Variants in CCDC81 observed in about 807,000 individuals in gnomAD.
CCDC81 encodes the protein coiled-coil domain containing 81.
CCDC81 carries 79 observed loss-of-function variants against 83.7 expected under a neutral mutation model. The observed-to-expected ratio is 0.94, with a 90% CI of 0.79 to 1.14. The LOEUF (loss-of-function observed/expected upper bound fraction) is 1.14. Ranked by LOEUF, CCDC81 falls within the 50% of genes most tolerant of loss-of-function variation. CCDC81 has a pLI of 0.00. For synonymous variants in CCDC81, 252 were observed against 278.1 expected (o/e 0.91, Z 0.93); for missense variants, 791 against 778.1 (o/e 1.02, Z -0.20).
chr11:86,406,139 C>G (rs10501619), intron 7 of CCDC81, among the ~76,000 whole-genome samples: 11,684 of 152,202 alleles, frequency 0.077, 563 homozygotes, highest in East Asian at 0.17. Flanking sequence ...GGTTCCCTGT[C>G]TTTTCAGTAC....
intron 2 of CCDC81, among the ~76,000 whole-genome samples, chr11:86,386,924 A>G (rs1267605279): frequency 6.6e-6 from 1 of 152,114 alleles, no homozygotes; most frequent in Admixed American, 6.5e-5. Flanking sequence ...CTGGCTGGCT[A>G]CTTTCACTCT....
At chr11:86,418,043 C>T (rs1405855800) in intron 13 of CCDC81, among the ~76,000 whole-genome samples, 1 of 152,160 alleles carries the variant, frequency 6.6e-6, no homozygotes, top group Non-Finnish European at 1.5e-5. Flanking sequence ...CATTTTCTTA[C>T]TTTCTGGGCA....
chr11:86,398,867 G>A (rs547426211), intron 6 of CCDC81, among the ~76,000 whole-genome samples: 4 of 152,176 alleles, frequency 2.6e-5, no homozygotes, highest in Non-Finnish European at 4.4e-5. Flanking sequence ...GCCACCACAC[G>A]CAGCCACAGA....
chr11:86,386,320 T>A (rs1593911425), intron 2 of CCDC81, among the ~76,000 whole-genome samples: 5 of 152,284 alleles, frequency 3.3e-5, no homozygotes, highest in Admixed American at 3.3e-4. Context: ...ACATGAATTT[T>A]ATTTTTAGGT....
chr11:86,393,157 G>T (rs923829840), intron 4 of CCDC81, among the ~76,000 whole-genome samples: 4 of 152,190 alleles, frequency 2.6e-5, no homozygotes, highest in African/African-American at 9.7e-5. Flanking sequence ...CCACATGCCG[G>T]GTTTGAGTGA....
intron 1 of CCDC81, 83 bp downstream of exon 1, chr11:86,375,325 A>C: frequency 8.1e-7 from 1 of 1,236,612 alleles, no homozygotes. Context: ...CCCACTTCCC[A>C]ATTCCCTGGC....
At chr11:86,399,441 G>C (rs558927381) in intron 6 of CCDC81, among the ~76,000 whole-genome samples, 1 of 152,126 alleles carries the variant, frequency 6.6e-6, no homozygotes, top group Admixed American at 6.5e-5. Context: ...TCAGCCTCCT[G>C]AGTAGCTAGG....
chr11:86,385,735 T>C (rs1948233440), intron 1 of CCDC81, among the ~76,000 whole-genome samples: 1 of 152,172 alleles, frequency 6.6e-6, no homozygotes, highest in African/African-American at 2.4e-5. Context: ...AAGGTTGGGT[T>C]ATACTTGATT....
In CCDC81 at chr11:86,422,662, A is replaced by G. The variant is rs1167877797; in HGVS notation, c.1906A>G (p.Ser636Gly). The change falls in exon 15 of 15, where the codon AGC (serine) becomes GGC (glycine). Residue 636 changes from serine (S) to glycine (G), a missense_variant. By Grantham distance (56) the Ser-to-Gly change is moderately conservative (BLOSUM62 0). Coordinates refer to ENST00000445632, the MANE Select transcript of CCDC81 (RefSeq NM_001156474.2). ...CQRRTSNVGE[S>G]NLWPLNKFLP... ...GAGGCGCACCTCCAACGTGGGCGAGAGCAACCTGTGGCCCCTGAACAAGTT... is the reference window on the plus strand; with the variant it reads ...GAGGCGCACCTCCAACGTGGGCGAGGGCAACCTGTGGCCCCTGAACAAGTT... The G allele has an allele frequency of 1.9e-5, 31 of 1,614,108 alleles. No individual in the cohort carries two copies. The highest frequency in any genetic ancestry group is 2.5e-5 in the Non-Finnish European group (30 of 1,180,010).
intron 6 of CCDC81, among the ~76,000 whole-genome samples, chr11:86,399,539 C>T (rs930007753): frequency 2.0e-5 from 3 of 152,074 alleles, no homozygotes; most frequent in African/African-American, 7.2e-5. Context: ...TGGTTTTGAA[C>T]TCCTGAGCTC....
chr11:86,416,853 A>T (rs1948726251), intron 13 of CCDC81, among the ~76,000 whole-genome samples: 1 of 152,180 alleles, frequency 6.6e-6, no homozygotes, highest in Non-Finnish European at 1.5e-5. Flanking sequence ...TAATTTAGTC[A>T]GGGTGATCCA....
intron 7 of CCDC81, 82 bp downstream of exon 7, chr11:86,400,883 G>A: frequency 7.3e-7 from 1 of 1,364,190 alleles, no homozygotes; most frequent in Non-Finnish European, 1.0e-6. Context: ...AACTGTAATT[G>A]TTCATTAATT....
In CCDC81 at chr11:86,409,403, C is replaced by A. The variant is rs200402208; in HGVS notation, c.1218+38C>A. 3 of 1,043,076 alleles carry A rather than the reference C, an allele frequency of 2.9e-6. No homozygotes were observed. The East Asian group carries it at 7.8e-5, about 27-fold the overall frequency. The allele number at this position is 1,043,076 out of a possible 1,614,324, so 64.6% of individuals were successfully genotyped here. On this transcript the variant is annotated intron_variant, in intron 10 of 14. Coordinates refer to ENST00000445632, the MANE Select transcript of CCDC81 (RefSeq NM_001156474.2). The stretch of plus-strand genomic sequence containing the variant: ...AAAATTTCTGTTGCTAACACCTGGC[C>A]CATCTGTGAGCCTTTGGATCCACTC...
intron 7 of CCDC81, among the ~76,000 whole-genome samples, chr11:86,403,169 C>T (rs538372887): frequency 6.6e-6 from 1 of 151,740 alleles, no homozygotes; most frequent in African/African-American, 2.4e-5. Flanking sequence ...TTATTTTTAT[C>T]TTGTTTCTTG....
intron 6 of CCDC81, among the ~76,000 whole-genome samples, chr11:86,398,213 T>G (rs1948436964): frequency 6.6e-6 from 1 of 152,192 alleles, no homozygotes. Flanking sequence ...ATGAGCTTAC[T>G]TACTTTATGA....
intron 4 of CCDC81, among the ~76,000 whole-genome samples, chr11:86,393,642 A>G (rs577938727): frequency 2.1e-4 from 32 of 152,180 alleles, no homozygotes; most frequent in Non-Finnish European, 3.5e-4. Context: ...GAGTTTTTGA[A>G]TCTTTAGCTT....
At chr11:86,407,470 C>A in intron 7 of CCDC81, 144 bp from the exon 8 acceptor site, 1 of 568,816 alleles carries the variant, frequency 1.8e-6, no homozygotes, top group Non-Finnish European at 3.1e-6. Context: ...TTCTGTGGTA[C>A]ATATTCTTAA....
rs201338028 is a variant in CCDC81 at position 86,415,256 on chromosome 11, T to G, written c.1634T>G (p.Leu545Arg). 6.2e-7 allele frequency: 1 copy of G among 1,614,214 alleles called. No homozygotes were observed. Among genetic ancestry groups the G allele is most frequent in the African/African-American group, 1.3e-5 (1 of 75,058 alleles). ...AAANHKRKAILHQLVDQRRDL... is the reference protein window; with the variant it reads ...AAANHKRKAIRHQLVDQRRDL... ...GCTAACCACAAGAGGAAAGCCATCC[T>G]GCATCAACTAGTGGACCAGAGGCGG... Residue 545 changes from leucine (L) to arginine (R), a missense_variant, in exon 13 of 15, where the codon CTG becomes CGG. Physicochemically the swap from Leu to Arg is moderately radical, Grantham distance 102 (BLOSUM62 -2). Transcript: ENST00000445632.
chr11:86,382,168 G>A (rs1948185536), intron 1 of CCDC81, among the ~76,000 whole-genome samples: 1 of 152,140 alleles, frequency 6.6e-6, no homozygotes. Flanking sequence ...TTGAGCTGGA[G>A]GTCAAGGAGA....
Sources: gnomAD v4.1 joint callset for allele counts (sites outside exome capture counted in the v4.1 genomes callset) on GRCh38, gnomAD v4.1.1 for gene constraint, MANE v1.5 for transcripts, NCBI Gene and HGNC (gene_info 2026-07-23, HGNC 2026-07-21) for gene names.